Variants in BNIP2 observed in about 807,000 individuals in gnomAD.
BNIP2 encodes the protein BCL2 interacting protein 2, also known as BCL2/adenovirus E1B 19 kDa protein-interacting protein 2.
A neutral mutation model predicts 43.4 loss-of-function variants in BNIP2; 36 were observed. The ratio of observed to expected loss-of-function variants is 0.83; its 90% CI spans 0.64 to 1.10. The LOEUF (loss-of-function observed/expected upper bound fraction) is 1.10. BNIP2 is among the 50% of genes least tolerant of loss of function. The pLI, the probability that BNIP2 is intolerant of heterozygous loss-of-function variation, is 0.00. For missense variants in BNIP2, 417 were observed against 374.1 expected, an observed-to-expected ratio of 1.11 and a Z score of -0.95; for synonymous variants, 146 against 121.0, an observed-to-expected ratio of 1.21 and a Z score of -1.35.
chr15:59,681,001 T>C lies in BNIP2; in HGVS notation c.51-693A>G, dbSNP rs6151499. 3.3e-3 allele frequency among the ~76,000 whole-genome samples: 504 copies of C among 152,276 alleles called. 1 individual carries two copies. Among genetic ancestry groups the C allele is most frequent in the African/African-American group, 0.012 (494 of 41,506 alleles). On this transcript the variant is annotated intron_variant, in intron 2 of 9. Coordinates refer to ENST00000607373, the MANE Select transcript of BNIP2 (RefSeq NM_004330.4). Reference sequence around the variant, plus strand: ...TAAATTCCTTATGCAACAGCTCTTATACAATTATAAAACATGTAACAATTT... The same window carrying C: ...TAAATTCCTTATGCAACAGCTCTTACACAATTATAAAACATGTAACAATTT...
Position 59,663,948 on chromosome 15 carries a change from A to C in BNIP2, c.*121T>G. The C allele has an allele frequency of 1.3e-6, 1 of 779,850 alleles. No individual in the cohort carries two copies. Among genetic ancestry groups the C allele is most frequent in the South Asian group, 2.3e-5 (1 of 43,104 alleles). The allele number at this position is 779,850 out of a possible 1,614,324, so 48.3% of individuals were successfully genotyped here. On this transcript the variant is annotated 3_prime_UTR_variant, in exon 10 of 10. Coordinates refer to ENST00000607373, the MANE Select transcript of BNIP2 (RefSeq NM_004330.4). The stretch of plus-strand genomic sequence containing the variant: ...TATAATACAAAAGTCCATTATGAAA[A>C]AGTCAAGTCTATTTTGTAACAGGTT...
intron 9 of BNIP2, among the ~76,000 whole-genome samples, chr15:59,664,491 C>T (rs181560732): frequency 2.0e-5 from 3 of 152,244 alleles, no homozygotes; most frequent in Middle Eastern, 3.4e-3. Flanking sequence ...ACACCATTGT[C>T]CTGCCTCAGC....
intron 1 of BNIP2, among the ~76,000 whole-genome samples, chr15:59,686,534 G>A (rs1259089777): frequency 6.6e-6 from 1 of 152,066 alleles, no homozygotes; most frequent in Non-Finnish European, 1.5e-5. Flanking sequence ...AGATGGAAAC[G>A]CCCGGGCAAG....
intron 5 of BNIP2, among the ~76,000 whole-genome samples, chr15:59,676,218 T>TA (rs548118609): frequency 4.6e-5 from 7 of 152,160 alleles, no homozygotes; most frequent in Admixed American, 6.5e-5. Flanking sequence ...AACAAAAAAC[T>TA]AGAGTGCAGT....
rs866843713 is a variant in BNIP2, at chr15:59,676,851, G to C, written c.472+1060C>G. On this transcript the variant is annotated intron_variant, in intron 5 of 9. Transcript: ENST00000607373. ...CCTTCCTGCCGGGAATTCTGCCTCA[G>C]CTGCCCTGGGCTCTCGCTGCGTTCG... 272 of 1,570,312 alleles carry C rather than the reference G, an allele frequency of 1.7e-4. No individual in the cohort carries two copies. The Middle Eastern group carries it at 2.8e-3, about 16-fold the overall frequency.
At chr15:59,665,127 G>A (rs1164892250) in intron 9 of BNIP2, among the ~76,000 whole-genome samples, 2 of 152,004 alleles carry the variant, frequency 1.3e-5, no homozygotes, top group African/African-American at 4.8e-5. Flanking sequence ...AGCCAGGTGT[G>A]GTGGTACGCG....
intron 5 of BNIP2, among the ~76,000 whole-genome samples, chr15:59,677,529 C>T (rs1282464611): frequency 1.3e-5 from 2 of 152,092 alleles, no homozygotes; most frequent in Non-Finnish European, 2.9e-5. Context: ...TAAGGTTTTG[C>T]CTACTTTACC....
At chr15:59,680,533 C>T (rs755278147) in intron 2 of BNIP2, among the ~76,000 whole-genome samples, 1 of 151,996 alleles carries the variant, frequency 6.6e-6, no homozygotes, top group Admixed American at 6.6e-5. Flanking sequence ...GAGATCCTCC[C>T]GAGTATCTAA....
At chr15:59,673,634 T>C (rs1174839347) in intron 5 of BNIP2, among the ~76,000 whole-genome samples, 1 of 152,160 alleles carries the variant, frequency 6.6e-6, no homozygotes, top group African/African-American at 2.4e-5. Flanking sequence ...TTTCACTGTG[T>C]TGCTCAGACT....
rs777867228 is a variant in BNIP2 at position 59,661,915 on chromosome 15, CTTTAG to C, written c.*2149_*2153del. ...AAGGTGCAGGTTAAAGCAGGTATCC[CTTTAG>C]TTTACTGATTCACAGCACCTCATTT... On this transcript the variant is annotated 3_prime_UTR_variant, in exon 10 of 10. Transcript: ENST00000607373. The C allele has an allele frequency of 6.6e-6, 1 of 152,114 alleles. No individual in the cohort carries two copies. The highest frequency in any genetic ancestry group is 6.5e-5 in the Admixed American group (1 of 15,268). 9.4% of individuals were successfully genotyped at this position (152,114 alleles called of 1,614,324 possible).
intron 5 of BNIP2, among the ~76,000 whole-genome samples, chr15:59,676,171 T>A (rs958920659): frequency 4.3e-4 from 64 of 148,864 alleles, no homozygotes; most frequent in African/African-American, 1.6e-3. Context: ...GTTTAAAAAA[T>A]TTTTTAATTT....
At chr15:59,668,131 CT>C (rs1339573385) in intron 9 of BNIP2, 1 of 1,292,620 alleles carries the variant, frequency 7.7e-7, no homozygotes, top group East Asian at 5.6e-5. Flanking sequence ...AACTTTTCTT[CT>C]TCATACCTTT....
intron 1 of BNIP2, chr15:59,688,712 C>G: frequency 6.5e-7 from 1 of 1,535,584 alleles, no homozygotes; most frequent in Non-Finnish European, 8.7e-7. Context: ...GTGTCTATTC[C>G]CCGCGGTTAC....
At chr15:59,681,741 C>G (rs991642034) in intron 2 of BNIP2, among the ~76,000 whole-genome samples, 12 of 152,022 alleles carry the variant, frequency 7.9e-5, no homozygotes, top group African/African-American at 2.2e-4. Flanking sequence ...GCCACCGCAC[C>G]TGGCCACAAA....
In BNIP2 at chr15:59,672,796, A is replaced by G; in HGVS notation, c.473-57T>C. The G allele has an allele frequency of 2.4e-6, 3 of 1,237,834 alleles. No homozygotes were observed. In the South Asian group the frequency reaches 3.8e-5, roughly 16 times the overall value. 76.7% of individuals were successfully genotyped at this position (1,237,834 alleles called of 1,614,324 possible). A position where few individuals can be genotyped will look rare whatever the true frequency, so the allele number is the denominator to read the frequency against. On this transcript the variant is annotated intron_variant, in intron 5 of 9. Coordinates refer to ENST00000607373, the MANE Select transcript of BNIP2 (RefSeq NM_004330.4). ...CACGATTTTACTCTTAGGCATTTTTAGAAGACATCTGTATGATTAGTAAAT... is the reference window on the plus strand; with the variant it reads ...CACGATTTTACTCTTAGGCATTTTTGGAAGACATCTGTATGATTAGTAAAT...
At chr15:59,672,472 A>G (rs768103949) in intron 6 of BNIP2, among the ~76,000 whole-genome samples, 165 bp downstream of exon 6, 1 of 152,194 alleles carries the variant, frequency 6.6e-6, no homozygotes, top group African/African-American at 2.4e-5. Flanking sequence ...GAGCTTTGTC[A>G]TATCGCCTAG....
At chr15:59,669,170 T>C in intron 8 of BNIP2, 106 bp downstream of exon 8, 1 of 1,039,918 alleles carries the variant, frequency 9.6e-7, no homozygotes, top group Non-Finnish European at 1.4e-6. Context: ...TATACACATA[T>C]CAAAATATAG....
At chr15:59,684,070 A>G (rs1370873294) in intron 1 of BNIP2, among the ~76,000 whole-genome samples, 1 of 152,266 alleles carries the variant, frequency 6.6e-6, no homozygotes, top group African/African-American at 2.4e-5. Context: ...ATGTTCCGTA[A>G]TGACAAAATT....
At chr15:59,674,140 G>A (rs1292554750) in intron 5 of BNIP2, among the ~76,000 whole-genome samples, 1 of 150,382 alleles carries the variant, frequency 6.6e-6, no homozygotes, top group Admixed American at 6.6e-5. Flanking sequence ...TTACATCTCT[G>A]ACATAATTTT....
Sources: gnomAD v4.1 joint callset for allele counts (sites outside exome capture counted in the v4.1 genomes callset) on GRCh38, gnomAD v4.1.1 for gene constraint, MANE v1.5 for transcripts, NCBI Gene and HGNC (gene_info 2026-07-23, HGNC 2026-07-21) for gene names.